Variants in CDH8 observed in about 807,000 individuals in gnomAD.
CDH8 encodes the protein cadherin 8.
A neutral mutation model predicts 68.1 loss-of-function variants in CDH8; 17 were observed. The observed-to-expected ratio is 0.25, with a 90% confidence interval of 0.17 to 0.37. The LOEUF (loss-of-function observed/expected upper bound fraction) is 0.37. Among genes scored for constraint, CDH8 ranks in the 10% least tolerant of loss-of-function variants. CDH8 has a pLI of 1.00. For missense variants in CDH8, 763 were observed against 999.3 expected (o/e 0.76, Z 3.19); for synonymous variants, 372 against 365.1 (o/e 1.02, Z -0.21).
chr16:61,728,318 A>G (rs1026014658), intron 8 of CDH8, among the ~76,000 whole-genome samples: 22 of 150,644 alleles, frequency 1.5e-4, no homozygotes, highest in African/African-American at 5.3e-4. Flanking sequence ...TATTTATGCT[A>G]CAGATTTACA....
At chr16:61,708,328 T>C (rs1964569827) in intron 10 of CDH8, among the ~76,000 whole-genome samples, 1 of 152,170 alleles carries the variant, frequency 6.6e-6, no homozygotes, top group Non-Finnish European at 1.5e-5. Context: ...AATTATATCC[T>C]AGTGGTCAGT....
chr16:61,745,584 C>T, intron 8 of CDH8, among the ~76,000 whole-genome samples: 1 of 149,028 alleles, frequency 6.7e-6, no homozygotes, highest in South Asian at 2.1e-4. Flanking sequence ...TTCTTTTTGT[C>T]TCTTTTCTTT....
chr16:61,779,271 T>C (rs1403190466), intron 8 of CDH8, among the ~76,000 whole-genome samples: 2 of 152,104 alleles, frequency 1.3e-5, no homozygotes. Flanking sequence ...GAGACTCTAT[T>C]CTAAGCAAAT....
At chr16:61,670,364 A>G (rs2142776897) in intron 10 of CDH8, among the ~76,000 whole-genome samples, 1 of 152,214 alleles carries the variant, frequency 6.6e-6, no homozygotes, top group African/African-American at 2.4e-5. Context: ...TGTTGAATAA[A>G]TACATAATAG....
chr16:62,002,270 C>G (rs948784052), intron 2 of CDH8, among the ~76,000 whole-genome samples: 3 of 152,100 alleles, frequency 2.0e-5, no homozygotes, highest in Admixed American at 6.5e-5. Context: ...GATGAAATGA[C>G]ATAATGTGAC....
chr16:61,910,641 T>A (rs1964144890), intron 2 of CDH8, among the ~76,000 whole-genome samples: 1 of 152,120 alleles, frequency 6.6e-6, no homozygotes, highest in African/African-American at 2.4e-5. Flanking sequence ...ATTATTAACA[T>A]TAGATAATAG....
chr16:61,729,324 C>G (rs894883835), intron 8 of CDH8, among the ~76,000 whole-genome samples: 1 of 150,960 alleles, frequency 6.6e-6, no homozygotes, highest in Non-Finnish European at 1.5e-5. Flanking sequence ...ATGAAGGTTA[C>G]TAATTACTAC....
chr16:61,789,326 G>A lies in CDH8; in HGVS notation c.1414+20C>T, dbSNP rs1428563712. On this transcript the variant is annotated intron_variant, in intron 8 of 11. Coordinates refer to ENST00000577390, the MANE Select transcript of CDH8 (RefSeq NM_001796.5). The stretch of plus-strand genomic sequence containing the variant: ...GAACTCAGTCACACAAGGAAGAAAT[G>A]AACAAATCCAGGCACTTACTAATTT... 1 of 1,603,776 alleles carries A rather than the reference G, an allele frequency of 6.2e-7. No homozygotes were observed. The highest frequency in any genetic ancestry group is 1.1e-5 in the South Asian group (1 of 89,824).
chr16:61,684,345 C>T (rs1212436674), intron 10 of CDH8, among the ~76,000 whole-genome samples: 1 of 151,868 alleles, frequency 6.6e-6, no homozygotes, highest in East Asian at 1.9e-4. Flanking sequence ...TATTCACTCT[C>T]ATTCATTCAT....
intron 8 of CDH8, among the ~76,000 whole-genome samples, chr16:61,766,729 G>A (rs537930026): frequency 6.6e-6 from 1 of 151,806 alleles, no homozygotes; most frequent in South Asian, 2.1e-4. Context: ...TCTCATTTCT[G>A]GTTTTACTTT....
chr16:61,997,052 G>A (rs1022540709), intron 2 of CDH8, among the ~76,000 whole-genome samples: 1 of 151,916 alleles, frequency 6.6e-6, no homozygotes, highest in African/African-American at 2.4e-5. Context: ...ATCCTTTTCT[G>A]AGGAGTGTTT....
At chr16:61,725,672 A>G (rs770909803) in intron 9 of CDH8, 1 of 150,796 alleles carries the variant, frequency 6.6e-6, no homozygotes, top group Non-Finnish European at 1.5e-5. Flanking sequence ...ATAAACATAT[A>G]CACACTCCCT....
At chr16:61,840,032 T>C (rs1260572937) in intron 4 of CDH8, among the ~76,000 whole-genome samples, 1 of 152,132 alleles carries the variant, frequency 6.6e-6, no homozygotes, top group African/African-American at 2.4e-5. Flanking sequence ...CTCTTTTCTA[T>C]AAAGGTATTC....
intron 2 of CDH8, among the ~76,000 whole-genome samples, chr16:61,951,798 G>A (rs1964903281): frequency 6.6e-6 from 1 of 151,936 alleles, no homozygotes; most frequent in Non-Finnish European, 1.5e-5. Context: ...TATTGAAAGG[G>A]TTATGATTTC....
intron 2 of CDH8, among the ~76,000 whole-genome samples, chr16:61,974,059 T>A (rs1965392500): frequency 6.6e-6 from 1 of 152,140 alleles, no homozygotes; most frequent in African/African-American, 2.4e-5. Context: ...AAATAAATAA[T>A]CTGAGGCTAG....
intron 8 of CDH8, among the ~76,000 whole-genome samples, chr16:61,751,416 C>T (rs1960160071): frequency 1.0e-5 from 1 of 95,918 alleles, no homozygotes; most frequent in South Asian, 3.4e-4. Flanking sequence ...AAAAAACAAG[C>T]AGTTTAACGT....
intron 10 of CDH8, among the ~76,000 whole-genome samples, chr16:61,699,078 C>T (rs1258450875): frequency 1.3e-5 from 2 of 152,140 alleles, no homozygotes; most frequent in Non-Finnish European, 2.9e-5. Flanking sequence ...GTGCCAGCTT[C>T]CTTTCATGAA....
At chr16:61,881,158 C>A (rs2143128352) in intron 3 of CDH8, among the ~76,000 whole-genome samples, 1 of 152,288 alleles carries the variant, frequency 6.6e-6, no homozygotes, top group East Asian at 1.9e-4. Context: ...TGAATGGATT[C>A]CTAACCTACA....
chr16:62,024,253 G>A (rs892430078), intron 1 of CDH8, among the ~76,000 whole-genome samples: 1 of 152,016 alleles, frequency 6.6e-6, no homozygotes, highest in Admixed American at 6.6e-5. Context: ...TAACGGCGGA[G>A]GGAGGGATAA....
Sources: gnomAD v4.1 joint callset for allele counts (sites outside exome capture counted in the v4.1 genomes callset) on GRCh38, gnomAD v4.1.1 for gene constraint, MANE v1.5 for transcripts, NCBI Gene and HGNC (gene_info 2026-07-23, HGNC 2026-07-21) for gene names.